IST1: variants seen among roughly 807,000 people sequenced by gnomAD.
IST1 encodes IST1 factor associated with ESCRT-III, also known as IST1 homolog.
A neutral mutation model predicts 37.0 loss-of-function variants in IST1; 23 were observed. That is an observed-to-expected ratio of 0.62 (90% CI 0.45 to 0.88). IST1 has a LOEUF of 0.88. IST1 is among the 40% of genes least tolerant of loss of function. The pLI, the probability that IST1 is intolerant of heterozygous loss-of-function variation, is 0.00. For missense variants in IST1, 488 were observed against 445.4 expected (o/e 1.10, Z -0.86); for synonymous variants, 180 against 161.7 (o/e 1.11, Z -0.86).
In IST1 at chr16:71,929,910, T is replaced by C; in HGVS notation, c.*2097T>C. ...TTATAAATTGGGTTTCCTAGGAAGA[T>C]AGCTGGCAGAGCTTTTGAAACTAAT... is the stretch of plus-strand genomic sequence containing the variant. On this transcript the variant is annotated 3_prime_UTR_variant, in exon 10 of 10. Transcript: ENST00000378799. The C allele has an allele frequency of 3.5e-6, 4 of 1,147,122 alleles. No individual in the cohort carries two copies. The highest frequency in any genetic ancestry group is 4.8e-6 in the Non-Finnish European group (4 of 831,866). 71.1% of individuals were successfully genotyped at this position (1,147,122 alleles called of 1,614,324 possible).
rs751345764 is a variant in IST1 at position 71,920,834 on chromosome 16, A to G, written c.441+12A>G. ...CTGTGAATGACAGGGTAATGAACAT[A>G]CTTGGTAAACATGAAGGCAGTGTGT... is the stretch of plus-strand genomic sequence containing the variant. On this transcript the variant is annotated intron_variant, in intron 5 of 9. Transcript: ENST00000378799. 4 of 1,587,444 alleles carry G rather than the reference A, an allele frequency of 2.5e-6. No individual in the cohort carries two copies. Among genetic ancestry groups the G allele is most frequent in the Non-Finnish European group, 3.5e-6 (4 of 1,155,726 alleles).
intron 1 of IST1, among the ~76,000 whole-genome samples, chr16:71,911,826 C>A (rs1197737078): frequency 3.3e-5 from 5 of 151,486 alleles, no homozygotes; most frequent in Admixed American, 3.3e-4. Flanking sequence ...CAGTGATCCT[C>A]CCACTCCTGC....
intron 6 of IST1, among the ~76,000 whole-genome samples, chr16:71,922,134 C>A (rs891501123): frequency 6.6e-6 from 1 of 151,312 alleles, no homozygotes; most frequent in Non-Finnish European, 1.5e-5. Context: ...AGTGAGACTC[C>A]GTCTCAAAAA....
At chr16:71,912,834 G>A (rs915313357) in intron 1 of IST1, among the ~76,000 whole-genome samples, 14 of 152,152 alleles carry the variant, frequency 9.2e-5, no homozygotes, top group Non-Finnish European at 2.9e-5. Context: ...CCTCACAAAA[G>A]CAGAATCTTA....
chr16:71,898,749 C>A (rs955416975), intron 1 of IST1, among the ~76,000 whole-genome samples: 2 of 151,104 alleles, frequency 1.3e-5, no homozygotes, highest in Non-Finnish European at 2.9e-5. Flanking sequence ...GAGGCCAAGG[C>A]GGGCAGATCA....
rs989292891 is a variant in IST1 at position 71,920,827 on chromosome 16, T to C, written c.441+5T>C. 6.3e-7 allele frequency: 1 copy of C among 1,598,830 alleles called. No individual in the cohort carries two copies. Among genetic ancestry groups the C allele is most frequent in the East Asian group, 2.2e-5 (1 of 44,786 alleles). ...ATTGGAACTGTGAATGACAGGGTAA[T>C]GAACATACTTGGTAAACATGAAGGC... On this transcript the variant is annotated splice_donor_5th_base_variant and intron_variant, in intron 5 of 9. Transcript: ENST00000378799.
intron 1 of IST1, among the ~76,000 whole-genome samples, chr16:71,898,993 T>C (rs1346980039): frequency 6.6e-6 from 1 of 151,646 alleles, no homozygotes; most frequent in African/African-American, 2.4e-5. Flanking sequence ...AGAAACACTC[T>C]TGGTAAAAGA....
chr16:71,920,202 G>A (rs1192013424), intron 4 of IST1, among the ~76,000 whole-genome samples: 1 of 152,224 alleles, frequency 6.6e-6, no homozygotes, highest in Non-Finnish European at 1.5e-5. Flanking sequence ...TCCCAAATAA[G>A]GAAGGGGCAT....
At chr16:71,925,234 C>T (rs1045434990) in intron 9 of IST1, among the ~76,000 whole-genome samples, 3 of 151,348 alleles carry the variant, frequency 2.0e-5, no homozygotes, top group Non-Finnish European at 4.4e-5. Context: ...AGGATGGTCT[C>T]GATCTCCTGA....
At chr16:71,907,435 G>A (rs1394438709) in intron 1 of IST1, among the ~76,000 whole-genome samples, 2 of 151,644 alleles carry the variant, frequency 1.3e-5, no homozygotes, top group Non-Finnish European at 2.9e-5. Flanking sequence ...CCGCCACCAC[G>A]CCCGGCTAAT....
chr16:71,899,094 A>T (rs1000025639), intron 1 of IST1, among the ~76,000 whole-genome samples: 1 of 152,146 alleles, frequency 6.6e-6, no homozygotes, highest in African/African-American at 2.4e-5. Context: ...CAGTATTTAT[A>T]GCTCCTTCAA....
At chr16:71,921,589 T>C in intron 6 of IST1, 136 bp downstream of exon 6, 1 of 605,474 alleles carries the variant, frequency 1.7e-6, no homozygotes, top group Non-Finnish European at 3.0e-6. Flanking sequence ...TTTATGACAA[T>C]AAATGTGCCT....
At chr16:71,894,648 C>T, upstream of IST1, 1 of 531,222 alleles carries the variant, frequency 1.9e-6, no homozygotes, top group South Asian at 2.2e-5. Flanking sequence ...GCCTCAGCCT[C>T]CCGAGTAGCT....
chr16:71,919,416 A>G (rs2037531868), intron 4 of IST1, among the ~76,000 whole-genome samples: 1 of 152,058 alleles, frequency 6.6e-6, no homozygotes, highest in East Asian at 1.9e-4. Context: ...GACGGTCTTG[A>G]TCTGTCACCC....
chr16:71,930,014 G>T lies in IST1; in HGVS notation c.*2201G>T. 1 of 1,531,408 alleles carries T rather than the reference G, an allele frequency of 6.5e-7. No individual in the cohort carries two copies. Among genetic ancestry groups the T allele is most frequent in the South Asian group, 1.2e-5 (1 of 81,456 alleles). The allele number at this position is 1,531,408 out of a possible 1,614,324, so 94.9% of individuals were successfully genotyped here. On this transcript the variant is annotated 3_prime_UTR_variant, in exon 10 of 10. Coordinates refer to ENST00000378799, the MANE Select transcript of IST1 (RefSeq NM_001270975.2). Reference sequence around the variant, plus strand: ...GCAGTTACAGTGGAGCTTTCCCAGTGATATAACAGCATGCTAGTTTATCTT... The same window carrying T: ...GCAGTTACAGTGGAGCTTTCCCAGTTATATAACAGCATGCTAGTTTATCTT...
Position 71,930,856 on chromosome 16 carries a change from GC to G in IST1, c.*3044del, listed in dbSNP as rs1249868054. On this transcript the variant is annotated 3_prime_UTR_variant, in exon 10 of 10. Transcript: ENST00000378799. ...TGGCCCATTCATTGTTGCCACTAGG[GC>G]ACTGTTTAAAAATATCCCAACAGAG... 1 of 152,124 alleles carries G rather than the reference GC, an allele frequency of 6.6e-6. No homozygotes were observed. Among genetic ancestry groups the G allele is most frequent in the Non-Finnish European group, 1.5e-5 (1 of 68,026 alleles). 9.4% of individuals were successfully genotyped at this position (152,124 alleles called of 1,614,324 possible).
chr16:71,922,329 C>T (rs538894364), intron 6 of IST1, 145 bp from the exon 7 acceptor site: 32 of 702,216 alleles, frequency 4.6e-5, no homozygotes, highest in Middle Eastern at 4.1e-4. Context: ...TTCCACCTAA[C>T]TCTGCCTTTT....
At chr16:71,924,042 CCTGTTCCTGAGCTTG>C (rs1276819418) in intron 8 of IST1, 1 of 446,418 alleles carries the variant, frequency 2.2e-6, no homozygotes, top group Non-Finnish European at 4.5e-6. Context: ...GGAAGATCTT[CCTGTTCCTGAGCTTG>C]CTTTCTGTTC....
intron 6 of IST1, among the ~76,000 whole-genome samples, chr16:71,921,931 A>T (rs1031854949): frequency 6.6e-6 from 1 of 152,152 alleles, no homozygotes; most frequent in Non-Finnish European, 1.5e-5. Flanking sequence ...AGGTCAGGAG[A>T]TCGAGACCAT....
Sources: allele counts gnomAD v4.1 joint callset (sites outside exome capture counted in the v4.1 genomes callset), GRCh38; gene constraint gnomAD v4.1.1; transcripts MANE v1.5; gene names NCBI Gene and HGNC (gene_info 2026-07-23, HGNC 2026-07-21).